Variants in BRSK2 observed in about 807,000 individuals in gnomAD.
BRSK2 encodes the protein BR serine/threonine kinase 2.
Under a neutral mutation model 83.3 loss-of-function variants are expected in BRSK2, and 19 were observed. The observed-to-expected ratio is 0.23, with a 90% CI of 0.16 to 0.33. BRSK2 has a LOEUF of 0.33. Ranked by LOEUF, BRSK2 falls within the 10% of genes least tolerant of loss-of-function variation. BRSK2 has a pLI of 1.00. For synonymous variants in BRSK2, 519 were observed against 435.4 expected (o/e 1.19, Z -2.39); for missense variants, 798 against 1,042.3 (o/e 0.77, Z 3.23).
rs1038164058 is a variant in BRSK2 at position 1,436,020 on chromosome 11, C to T, written c.92-20C>T. 50 of 1,589,358 alleles carry T rather than the reference C, an allele frequency of 3.1e-5. No homozygotes were observed. The highest frequency in any genetic ancestry group is 6.7e-5 in the African/African-American group (5 of 74,172). ...CAGGCACCCTGGGTGGGTCTGAGCGCGGCTGCTTCTCTCCCGCAGGTCTGG... is the reference window on the plus strand; with the variant it reads ...CAGGCACCCTGGGTGGGTCTGAGCGTGGCTGCTTCTCTCCCGCAGGTCTGG... On this transcript the variant is annotated intron_variant, in intron 1 of 19. Transcript: ENST00000528841.
chr11:1,445,729 G>A, intron 11 of BRSK2, 28 bp from the exon 12 acceptor site: 1 of 1,610,952 alleles, frequency 6.2e-7, no homozygotes, highest in Non-Finnish European at 8.5e-7. Context: ...TCCGGGGGCT[G>A]TCTGGCCTGA....
chr11:1,391,156 C>T (rs1845702912), intron 1 of BRSK2, among the ~76,000 whole-genome samples: 1 of 152,232 alleles, frequency 6.6e-6, no homozygotes, highest in African/African-American at 2.4e-5. Context: ...TCGCATGTGG[C>T]CAACTCTCCC....
At chr11:1,459,959 G>A (rs1847202960) in intron 19 of BRSK2, among the ~76,000 whole-genome samples, 1 of 152,166 alleles carries the variant, frequency 6.6e-6, no homozygotes, top group Non-Finnish European at 1.5e-5. Context: ...GTCATCCACT[G>A]GGCCTCATGC....
intron 3 of BRSK2, among the ~76,000 whole-genome samples, chr11:1,439,518 G>T (rs920659587): frequency 2.0e-5 from 3 of 150,172 alleles, no homozygotes; most frequent in Non-Finnish European, 3.0e-5. Context: ...TCCTGGGGAG[G>T]CCTTCTCGGA....
chr11:1,425,632 A>C (rs1183233089), intron 1 of BRSK2, among the ~76,000 whole-genome samples: 1 of 152,112 alleles, frequency 6.6e-6, no homozygotes, highest in Non-Finnish European at 1.5e-5. Context: ...CAGGGGACGC[A>C]TTCAGCACCG....
At position 1,390,019 on chromosome 11, in the gene BRSK2, C is replaced by A. The variant is rs1294931342; in HGVS notation, c.-266C>A. 8.1e-5 allele frequency: 12 copies of A among 147,922 alleles called. No homozygotes were observed. In the East Asian group the frequency reaches 2.4e-3, roughly 29 times the overall value. 9.2% of individuals were successfully genotyped at this position (147,922 alleles called of 1,614,324 possible). On this transcript the variant is annotated 5_prime_UTR_variant, in exon 1 of 20. Transcript: ENST00000528841. The surrounding 1 kb of genome is among the most constrained non-coding windows in gnomAD (Gnocchi z 6.8). ...CGGGCCTCGGCGGCGGCGGCGGCGG[C>A]GGCGGCGGAAGCCAGGTGCCCCCGC...
intron 15 of BRSK2, among the ~76,000 whole-genome samples, chr11:1,452,446 A>G (rs1260669635): frequency 2.6e-5 from 4 of 152,196 alleles, no homozygotes; most frequent in Non-Finnish European, 5.9e-5. Flanking sequence ...GCTTTCATGA[A>G]CAGACTCATA....
At chr11:1,440,185 C>T (rs1218612618) in intron 3 of BRSK2, among the ~76,000 whole-genome samples, 2 of 152,192 alleles carry the variant, frequency 1.3e-5, no homozygotes, top group African/African-American at 4.8e-5. Context: ...AGGAACCAGC[C>T]CCTCAGGACC....
chr11:1,407,814 G>A (rs1237213880), intron 1 of BRSK2, among the ~76,000 whole-genome samples: 1 of 152,246 alleles, frequency 6.6e-6, no homozygotes, highest in Admixed American at 6.5e-5. Flanking sequence ...GCCACCTCCA[G>A]GAGGGCTTTC....
chr11:1,433,445 T>C (rs10834052), intron 1 of BRSK2, among the ~76,000 whole-genome samples: 126,608 of 152,308 alleles, frequency 0.83, 53,511 homozygotes, highest in African/African-American at 0.96. Context: ...AGCCTCTGTC[T>C]TGGCCTCCGG....
Position 1,460,512 on chromosome 11 carries a change from G to GT in BRSK2, c.2001dup (p.Asn668Ter). On this transcript the variant is annotated frameshift_variant, in exon 20 of 20. Transcript: ENST00000528841. LOFTEE classifies it high-confidence loss of function. Reference sequence around the variant, plus strand: ...TCTGTGTACCCAGGCAGCCCATTGAGTAACTTCTTTGACGTAATTAAACAA... The same window carrying GT: ...TCTGTGTACCCAGGCAGCCCATTGAGTTAACTTCTTTGACGTAATTAAACAA... The GT allele has an allele frequency of 7.4e-7, 1 of 1,359,080 alleles. No homozygotes were observed. Among genetic ancestry groups the GT allele is most frequent in the South Asian group, 1.3e-5 (1 of 78,286 alleles). The allele number at this position is 1,359,080 out of a possible 1,614,324, so 84.2% of individuals were successfully genotyped here. A position where few individuals can be genotyped will look rare whatever the true frequency, so the allele number is the denominator to read the frequency against.
Position 1,456,539 on chromosome 11 carries a change from G to A in BRSK2, c.1849+11G>A, listed in dbSNP as rs750178972. 3.7e-5 allele frequency: 59 copies of A among 1,590,060 alleles called. No homozygotes were observed. Among genetic ancestry groups the A allele is most frequent in the Middle Eastern group, 3.4e-4 (2 of 5,960 alleles). On this transcript the variant is annotated intron_variant, in intron 17 of 19. Transcript: ENST00000528841. ...TCACCCTGCTCTCAGGTGAGCTGGCGCCCCCAGGGCGGCTCCGGGCCCAGG... is the reference window on the plus strand; with the variant it reads ...TCACCCTGCTCTCAGGTGAGCTGGCACCCCCAGGGCGGCTCCGGGCCCAGG...
intron 1 of BRSK2, among the ~76,000 whole-genome samples, chr11:1,402,749 G>A (rs1226652263): frequency 6.6e-6 from 1 of 152,186 alleles, no homozygotes. Context: ...GGGACACAGG[G>A]TCTCCTGCCA....
intron 1 of BRSK2, among the ~76,000 whole-genome samples, chr11:1,425,430 T>A (rs1590441218): frequency 6.6e-6 from 1 of 152,168 alleles, no homozygotes; most frequent in South Asian, 2.1e-4. Context: ...GTCCTTGTGG[T>A]CTGTGGATGA....
At position 1,461,348 on chromosome 11, in the gene BRSK2, T is replaced by G; in HGVS notation, c.*625T>G. ...CTCGCAGGCCCGTGCCCCGCCTCCC[T>G]GGCTGCGCCGCCTCCGTGTAGTCTT... On this transcript the variant is annotated 3_prime_UTR_variant, in exon 20 of 20. Coordinates refer to ENST00000528841, the MANE Select transcript of BRSK2 (RefSeq NM_001256627.2). The G allele has an allele frequency of 3.0e-6, 1 of 332,914 alleles. No individual in the cohort carries two copies. 20.6% of individuals were successfully genotyped at this position (332,914 alleles called of 1,614,324 possible). A position where few individuals can be genotyped will look rare whatever the true frequency, so the allele number is the denominator to read the frequency against.
rs542066658 is a variant in BRSK2, at chr11:1,444,861, C to G, written c.781-110C>G. ...TTCCCCCCACTCACTTGCCCTCACC[C>G]TCTCCTGCTCTCTCCGTGCTCCCAG... On this transcript the variant is annotated intron_variant, in intron 8 of 19. Transcript: ENST00000528841. The G allele has an allele frequency of 5.1e-5, 51 of 1,006,328 alleles. No individual in the cohort carries two copies. In the African/African-American group the frequency reaches 6.9e-4, roughly 14 times the overall value. 62.3% of individuals were successfully genotyped at this position (1,006,328 alleles called of 1,614,324 possible).
intron 1 of BRSK2, chr11:1,411,557 C>G (rs777975428): frequency 1.3e-6 from 2 of 1,574,136 alleles, no homozygotes; most frequent in East Asian, 2.3e-5. Flanking sequence ...GCCACACTCC[C>G]GGCCCACAGC....
chr11:1,447,863 G>A, intron 12 of BRSK2: 1 of 1,595,874 alleles, frequency 6.3e-7, no homozygotes, highest in Non-Finnish European at 8.5e-7. Flanking sequence ...AAAGAAGACA[G>A]GTATACACCC....
At position 1,454,191 on chromosome 11, in the gene BRSK2, A is replaced by ACCTGTGGGGGGCTCACCTGTGGG. The variant is rs1554914766; in HGVS notation, c.1545-294_1545-293insCCTGTGGGGGGCTCACCTGTGGG. The stretch of plus-strand genomic sequence containing the variant: ...TCACCTGTGGGGGGCTCACCTGTGG[A>ACCTGTGGGGGGCTCACCTGTGGG]GGGGCATCCCCAGACTTGGGAGTGG... On this transcript the variant is annotated intron_variant, in intron 15 of 19. Coordinates refer to ENST00000528841, the MANE Select transcript of BRSK2 (RefSeq NM_001256627.2). The surrounding 1 kb of genome is among the most constrained non-coding windows in gnomAD (Gnocchi z 5.2). 1 of 178,918 alleles carries ACCTGTGGGGGGCTCACCTGTGGG rather than the reference A, an allele frequency of 5.6e-6. No homozygotes were observed. Among genetic ancestry groups the ACCTGTGGGGGGCTCACCTGTGGG allele is most frequent in the East Asian group, 1.8e-4 (1 of 5,484 alleles). 11.1% of individuals were successfully genotyped at this position (178,918 alleles called of 1,614,324 possible).
Sources: gnomAD v4.1 joint callset for allele counts (sites outside exome capture counted in the v4.1 genomes callset) on GRCh38, gnomAD v4.1.1 for gene constraint, Gnocchi (gnomAD v3.1) non-coding constraint, MANE v1.5 for transcripts, NCBI Gene and HGNC (gene_info 2026-07-23, HGNC 2026-07-21) for gene names.